Variants in SV2C observed in about 807,000 individuals in gnomAD.
SV2C encodes synaptic vesicle glycoprotein 2C, also known as solute carrier family 22 member B3.
Under a neutral mutation model 79.7 loss-of-function variants are expected in SV2C, and 49 were observed. The observed-to-expected ratio is 0.61, with a 90% confidence interval of 0.49 to 0.78. SV2C has a LOEUF of 0.78. Among genes scored for constraint, SV2C ranks in the 30% least tolerant of loss-of-function variants. The pLI is 0.00. For missense variants in SV2C, 833 were observed against 912.9 expected (o/e 0.91, Z 1.13); for synonymous variants, 334 against 333.2 (o/e 1.00, Z -0.03).
Position 76,285,024 on chromosome 5 carries a change from A to G in SV2C, c.914-138A>G, listed in dbSNP as rs1277824977. 3.1e-6 allele frequency: 4 copies of G among 1,275,922 alleles called. No individual in the cohort carries two copies. In the East Asian group the frequency reaches 7.0e-5, roughly 22 times the overall value. The allele number at this position is 1,275,922 out of a possible 1,614,324, so 79.0% of individuals were successfully genotyped here. A position where few individuals can be genotyped will look rare whatever the true frequency, so the allele number is the denominator to read the frequency against. On this transcript the variant is annotated intron_variant, in intron 4 of 12. Coordinates refer to ENST00000502798, the MANE Select transcript of SV2C (RefSeq NM_014979.4). ...CTTAAAGCTGAGCTGGCCACCATGG[A>G]TGATGCCCAGATCAGCTCACTGCTC... is the stretch of plus-strand genomic sequence containing the variant.
chr5:76,025,834 T>C, the SV2C span, among the ~76,000 whole-genome samples: 2 of 152,212 alleles, frequency 1.3e-5, no homozygotes, highest in Non-Finnish European at 2.9e-5. Flanking sequence ...TTAATGTTTG[T>C]TCATGCCTGG....
chr5:76,023,611 T>C, the SV2C span, among the ~76,000 whole-genome samples: 10 of 149,372 alleles, frequency 6.7e-5, no homozygotes, highest in East Asian at 1.9e-3. Flanking sequence ...GTATGAATAC[T>C]TTCATACTTT....
chr5:76,006,365 CTATG>C, the SV2C span, among the ~76,000 whole-genome samples: 1 of 152,030 alleles, frequency 6.6e-6, no homozygotes, highest in Non-Finnish European at 1.5e-5. Flanking sequence ...GAAAGAGATG[CTATG>C]TAAGAGGAAA....
At chr5:76,250,678 C>G (rs2112438247) in intron 4 of SV2C, among the ~76,000 whole-genome samples, 1 of 152,342 alleles carries the variant, frequency 6.6e-6, no homozygotes, top group South Asian at 2.1e-4. Flanking sequence ...GTCTCCGCTC[C>G]TGGGTCAGCA....
the SV2C span, among the ~76,000 whole-genome samples, chr5:75,858,415 G>A: frequency 6.6e-6 from 1 of 152,156 alleles, no homozygotes; most frequent in African/African-American, 2.4e-5. Flanking sequence ...TGGTTGATTT[G>A]TGTATGTTGA....
chr5:76,345,478 G>C (rs185523291), intron 12 of SV2C, among the ~76,000 whole-genome samples: 7 of 152,258 alleles, frequency 4.6e-5, no homozygotes, highest in Non-Finnish European at 1.0e-4. Flanking sequence ...CAGAAGTTCT[G>C]ACATTATCAG....
At position 76,313,698 on chromosome 5, in the gene SV2C, T is replaced by A. The variant is rs1415507327; in HGVS notation, c.2001-11666T>A. ...GCCCCTTTAATTGTGGGGTGCAGGA[T>A]AAGGGGGCTCTAGAATCTGGAGTCT... On this transcript the variant is annotated intron_variant, in intron 12 of 12. Coordinates refer to ENST00000502798, the MANE Select transcript of SV2C (RefSeq NM_014979.4). Among the ~76,000 whole-genome samples the A allele has an allele frequency of 2.0e-5, 3 of 152,130 alleles. No homozygotes were observed. The East Asian group carries it at 5.8e-4, about 29-fold the overall frequency.
the SV2C span, among the ~76,000 whole-genome samples, chr5:75,935,993 A>G: frequency 2.0e-5 from 3 of 152,242 alleles, no homozygotes; most frequent in Non-Finnish European, 2.9e-5. Flanking sequence ...AGCTCTATGT[A>G]TGCTTCATGT....
At chr5:76,062,603 A>T in the SV2C span, among the ~76,000 whole-genome samples, 1 of 151,340 alleles carries the variant, frequency 6.6e-6, no homozygotes, top group Non-Finnish European at 1.5e-5. Flanking sequence ...GAACTTCGAT[A>T]TCAGGGTTTG....
chr5:76,016,174 G>T, the SV2C span, among the ~76,000 whole-genome samples: 1 of 144,934 alleles, frequency 6.9e-6, no homozygotes, highest in African/African-American at 2.6e-5. Context: ...GAAGCACAAG[G>T]TTGCCAGCCA....
At chr5:76,261,507 CCTTGT>C (rs202047554) in intron 4 of SV2C, among the ~76,000 whole-genome samples, 1,537 of 152,264 alleles carry the variant, frequency 0.01, 23 homozygotes, top group African/African-American at 0.035. Context: ...GAAAGGGCAT[CCTTGT>C]CTTGTGCCAG....
chr5:76,119,427 G>A (rs565337918), intron 1 of SV2C, among the ~76,000 whole-genome samples: 50 of 152,202 alleles, frequency 3.3e-4, no homozygotes, highest in Non-Finnish European at 6.3e-4. Context: ...GTGTGTGGGA[G>A]CTGACACTGC....
chr5:76,186,819 G>A (rs573474325), intron 2 of SV2C, among the ~76,000 whole-genome samples: 5 of 152,066 alleles, frequency 3.3e-5, no homozygotes, highest in African/African-American at 7.2e-5. Flanking sequence ...TGACCAAAGC[G>A]GGAAGCCCCT....
intron 4 of SV2C, among the ~76,000 whole-genome samples, chr5:76,237,991 CATACAT>C (rs1208419383): frequency 1.7e-5 from 2 of 118,140 alleles, no homozygotes; most frequent in African/African-American, 1.3e-4. Context: ...CACACACACA[CATACAT>C]ACATACATAC....
the SV2C span, among the ~76,000 whole-genome samples, chr5:76,024,169 A>G: frequency 1.4e-5 from 2 of 138,784 alleles, no homozygotes; most frequent in East Asian, 5.0e-4. Context: ...CTGTTTCTAT[A>G]GGATAGATTA....
At chr5:75,901,995 C>A in the SV2C span, among the ~76,000 whole-genome samples, 4 of 152,320 alleles carry the variant, frequency 2.6e-5, no homozygotes, top group Middle Eastern at 3.4e-3. Flanking sequence ...GTCTGTCACC[C>A]CTTTCTTTGA....
At chr5:76,309,305 AGTTGTAG>A (rs947494827) in intron 12 of SV2C, among the ~76,000 whole-genome samples, 2 of 152,122 alleles carry the variant, frequency 1.3e-5, no homozygotes, top group Non-Finnish European at 2.9e-5. Context: ...AAGACACTTA[AGTTGTAG>A]GTTGGAGGCC....
At chr5:76,146,797 TAAAAAAAAA>T (rs34569063) in intron 2 of SV2C, among the ~76,000 whole-genome samples, 4 of 39,348 alleles carry the variant, frequency 1.0e-4, no homozygotes, top group East Asian at 2.1e-3. Context: ...AGTTTTTTTT[TAAAAAAAAA>T]AAAAAAAAAA....
chr5:76,014,460 GA>G, the SV2C span, among the ~76,000 whole-genome samples: 10 of 151,556 alleles, frequency 6.6e-5, no homozygotes, highest in South Asian at 2.1e-4. Flanking sequence ...ACTACTGAAA[GA>G]AAAAAAAATT....
Sources: gnomAD v4.1 joint callset for allele counts (sites outside exome capture counted in the v4.1 genomes callset) on GRCh38, gnomAD v4.1.1 for gene constraint, MANE v1.5 for transcripts, NCBI Gene and HGNC (gene_info 2026-07-23, HGNC 2026-07-21) for gene names.